The following ALDH5A1 variants were observed in gnomAD, a reference collection of about 807,000 sequenced individuals.
ALDH5A1 encodes succinate-semialdehyde dehydrogenase, mitochondrial.
In ALDH5A1, 33 loss-of-function variants were observed where a neutral mutation model predicts 54.7. The ratio of observed to expected loss-of-function variants is 0.60; its 90% CI spans 0.46 to 0.81. ALDH5A1 has a LOEUF of 0.81. Ranked by LOEUF, ALDH5A1 falls within the 30% of genes least tolerant of loss-of-function variation. ALDH5A1 has a pLI of 0.00. For missense variants in ALDH5A1, 657 were observed against 711.0 expected, an observed-to-expected ratio of 0.92 and a Z score of 0.86; for synonymous variants, 294 against 292.7, an observed-to-expected ratio of 1.00 and a Z score of -0.05.
At chr6:24,528,798 C>T (rs1239987926) in intron 8 of ALDH5A1, among the ~76,000 whole-genome samples, 1 of 150,546 alleles carries the variant, frequency 6.6e-6, no homozygotes, top group African/African-American at 2.4e-5. Context: ...GTGCTTCAGC[C>T]TTCCGAGTAG....
chr6:24,533,841 G>A lies in ALDH5A1; in HGVS notation c.*129G>A. 1 of 927,900 alleles carries A rather than the reference G, an allele frequency of 1.1e-6. No individual in the cohort carries two copies. The allele number at this position is 927,900 out of a possible 1,614,324, so 57.5% of individuals were successfully genotyped here. A position where few individuals can be genotyped will look rare whatever the true frequency, so the allele number is the denominator to read the frequency against. On this transcript the variant is annotated 3_prime_UTR_variant, in exon 10 of 10. Coordinates refer to ENST00000357578, the MANE Select transcript of ALDH5A1 (RefSeq NM_001080.3). ...ATTTTTCAGAACTCATCCAGTCCTT[G>A]TAATCTTAAACAGATGCAAATCCTA...
Position 24,518,561 on chromosome 6 carries a change from A to T in ALDH5A1, c.871-1840A>T, listed in dbSNP as rs931128701. On this transcript the variant is annotated intron_variant, in intron 5 of 9. Coordinates refer to ENST00000357578, the MANE Select transcript of ALDH5A1 (RefSeq NM_001080.3). This position sits in a 1 kb window ranked among gnomAD's most constrained non-coding sequence, Gnocchi z 4.2. Reference sequence around the variant, plus strand: ...GAAAAGTCAATGACGTTTCTTAAAAATTTTTAAATAAAAACATAAAAAAAG... The same window carrying T: ...GAAAAGTCAATGACGTTTCTTAAAATTTTTTAAATAAAAACATAAAAAAAG... 3.9e-5 allele frequency among the ~76,000 whole-genome samples: 6 copies of T among 152,258 alleles called. No individual in the cohort carries two copies. The highest frequency in any genetic ancestry group is 1.4e-4 in the African/African-American group (6 of 41,478).
chr6:24,529,817 G>A (rs1171468412), intron 8 of ALDH5A1, among the ~76,000 whole-genome samples: 1 of 151,326 alleles, frequency 6.6e-6, no homozygotes, highest in Non-Finnish European at 1.5e-5. Flanking sequence ...GATTACAGGC[G>A]CCCGCCACCA....
At position 24,533,500 on chromosome 6, in the gene ALDH5A1, G is replaced by A; in HGVS notation, c.1403-7G>A. On this transcript the variant is annotated splice_region_variant and splice_polypyrimidine_tract_variant and intron_variant, in intron 9 of 9. Coordinates refer to ENST00000357578, the MANE Select transcript of ALDH5A1 (RefSeq NM_001080.3). ...AATGCCATATATGTCCTTTTATCCTGTGACAGGTTATTTTTACTCTCAAGA... is the reference window on the plus strand; with the variant it reads ...AATGCCATATATGTCCTTTTATCCTATGACAGGTTATTTTTACTCTCAAGA... The A allele has an allele frequency of 6.2e-7, 1 of 1,613,940 alleles. No homozygotes were observed. Among genetic ancestry groups the A allele is most frequent in the East Asian group, 2.2e-5 (1 of 44,868 alleles).
rs1759213167 is a variant in ALDH5A1 at position 24,502,448 on chromosome 6, A to T, written c.355-75A>T. On this transcript the variant is annotated intron_variant, in intron 1 of 9. Coordinates refer to ENST00000357578, the MANE Select transcript of ALDH5A1 (RefSeq NM_001080.3). ...GAGACCATACAGCTAATATTTTAGG[A>T]TATTGAATTTTATTTAGCATTCTGT... is the stretch of plus-strand genomic sequence containing the variant. 9 of 1,106,314 alleles carry T rather than the reference A, an allele frequency of 8.1e-6. No homozygotes were observed. In the Admixed American group the frequency reaches 1.4e-4, roughly 17 times the overall value. The allele number at this position is 1,106,314 out of a possible 1,614,324, so 68.5% of individuals were successfully genotyped here. A position where few individuals can be genotyped will look rare whatever the true frequency, so the allele number is the denominator to read the frequency against.
Position 24,520,270 on chromosome 6 carries a change from T to C in ALDH5A1, c.871-131T>C, listed in dbSNP as rs368053741. ...ATATATTCTTATTTCTCCGTTTTCT[T>C]ATGCAAAGTTATCCCATGTACACCA... On this transcript the variant is annotated intron_variant, in intron 5 of 9. Transcript: ENST00000357578. 6.6e-5 allele frequency: 66 copies of C among 998,050 alleles called. No individual in the cohort carries two copies. In the East Asian group the frequency reaches 1.1e-3, roughly 17 times the overall value. 61.8% of individuals were successfully genotyped at this position (998,050 alleles called of 1,614,324 possible). A position where few individuals can be genotyped will look rare whatever the true frequency, so the allele number is the denominator to read the frequency against.
intron 7 of ALDH5A1, among the ~76,000 whole-genome samples, chr6:24,525,180 A>C (rs1353012975): frequency 6.6e-6 from 1 of 152,228 alleles, no homozygotes; most frequent in Non-Finnish European, 1.5e-5. Flanking sequence ...TATGACAAGA[A>C]AAGGGCAGAG....
In ALDH5A1 at chr6:24,526,976, A is replaced by G. The variant is rs371638478; in HGVS notation, c.1174-1021A>G. On this transcript the variant is annotated intron_variant, in intron 7 of 9. Transcript: ENST00000357578. ...CTAATATATATATATGTGTGTGTGTATATATATATATATATATATATATAT... is the reference window on the plus strand; with the variant it reads ...CTAATATATATATATGTGTGTGTGTGTATATATATATATATATATATATAT... 9.2e-3 allele frequency among the ~76,000 whole-genome samples: 147 copies of G among 15,974 alleles called. 1 individual carries two copies. The highest frequency in any genetic ancestry group is 0.018 in the East Asian group (9 of 496). 10.5% of individuals were successfully genotyped at this position (15,974 alleles called of 152,430 possible).
intron 4 of ALDH5A1, among the ~76,000 whole-genome samples, chr6:24,514,410 G>A (rs370694528): frequency 6.6e-6 from 1 of 151,996 alleles, no homozygotes; most frequent in Non-Finnish European, 1.5e-5. Flanking sequence ...TTTTTTATTT[G>A]CTTCTTTATT....
chr6:24,495,484 AAGTC>A, intron 1 of ALDH5A1, 134 bp downstream of exon 1: 1 of 890,986 alleles, frequency 1.1e-6, no homozygotes, highest in Admixed American at 2.9e-5. Flanking sequence ...ACAAAGTGGA[AAGTC>A]AGAGCAACAA....
chr6:24,533,638 C>G lies in ALDH5A1; in HGVS notation c.1534C>G (p.Leu512Val), dbSNP rs1226094055. 1.9e-6 allele frequency: 3 copies of G among 1,613,934 alleles called. No individual in the cohort carries two copies. The highest frequency in any genetic ancestry group is 2.7e-5 in the African/African-American group (2 of 74,874). ...CPFGGVKQSG[L>V]GREGSKYGID... ...TTTTGGTGGAGTGAAGCAGTCCGGCCTTGGGCGAGAGGGGTCCAAGTATGG... is the reference window on the plus strand; with the variant it reads ...TTTTGGTGGAGTGAAGCAGTCCGGCGTTGGGCGAGAGGGGTCCAAGTATGG... The change falls in exon 10 of 10, where the codon CTT becomes GTT. Residue 512 changes from leucine to valine, a missense_variant. Physicochemically the swap from Leu to Val is conservative, Grantham distance 32. This residue lies in a region of ALDH5A1 where 425 missense variants were observed against 516.4 expected (regional missense o/e 0.82). Transcript: ENST00000357578.
intron 8 of ALDH5A1, 52 bp from the exon 9 acceptor site, chr6:24,532,067 T>C: frequency 6.4e-7 from 1 of 1,555,036 alleles, no homozygotes; most frequent in Non-Finnish European, 8.9e-7. Context: ...ACAAAACTGG[T>C]TTCCTTTCCT....
chr6:24,502,235 G>C (rs1764835155), intron 1 of ALDH5A1, among the ~76,000 whole-genome samples: 1 of 152,104 alleles, frequency 6.6e-6, no homozygotes, highest in Non-Finnish European at 1.5e-5. Context: ...TTCTTTTCAG[G>C]TTCTCAGCAG....
rs753168976 is a variant in ALDH5A1 at position 24,495,046 on chromosome 6, C to T, written c.50C>T (p.Ser17Leu). 1.5e-4 allele frequency: 199 copies of T among 1,357,072 alleles called. No homozygotes were observed. Among genetic ancestry groups the T allele is most frequent in the Non-Finnish European group, 1.7e-4 (184 of 1,057,188 alleles). 84.1% of individuals were successfully genotyped at this position (1,357,072 alleles called of 1,614,324 possible). The change falls in exon 1 of 10, where the codon TCG (serine) becomes TTG (leucine). Residue 17 changes from serine to leucine, a missense_variant. Coordinates refer to ENST00000357578, the MANE Select transcript of ALDH5A1 (RefSeq NM_001080.3). ...AGCTGTGGGGCCCGGCGCCTCGGGT[C>T]GACGTTTCCAGGCTGCCGCCTCCGC... The part of the protein sequence containing the change: ...LRSCGARRLG[S>L]TFPGCRLRPR...
rs778398904 is a variant in ALDH5A1, at chr6:24,518,658, T to G, written c.871-1743T>G. Among the ~76,000 whole-genome samples, 1 of 152,224 alleles carries G rather than the reference T, an allele frequency of 6.6e-6. No individual in the cohort carries two copies. Among genetic ancestry groups the G allele is most frequent in the Non-Finnish European group, 1.5e-5 (1 of 68,032 alleles). On this transcript the variant is annotated intron_variant, in intron 5 of 9. Coordinates refer to ENST00000357578, the MANE Select transcript of ALDH5A1 (RefSeq NM_001080.3). The surrounding 1 kb of genome is among the most constrained non-coding windows in gnomAD (Gnocchi z 4.2). Reference sequence around the variant, plus strand: ...AAACTTGAACTACTTTGTTGAACAGTAATGTTTCAGAGAAGATTGTTACTA... The same window carrying G: ...AAACTTGAACTACTTTGTTGAACAGGAATGTTTCAGAGAAGATTGTTACTA...
chr6:24,533,686 A>G lies in ALDH5A1; in HGVS notation c.1582A>G (p.Lys528Glu). 2.5e-6 allele frequency: 4 copies of G among 1,614,118 alleles called. No individual in the cohort carries two copies. Among genetic ancestry groups the G allele is most frequent in the Non-Finnish European group, 3.4e-6 (4 of 1,180,020 alleles). ...TGGCATTGATGAGTATCTGGAACTC[A>G]AGTATGTGTGTTACGGGGGCTTGTA... ...KYGIDEYLEL[K>E]YVCYGGL Residue 528 changes from lysine (K) to glutamate (E), a missense_variant, in exon 10 of 10, where the codon AAG (lysine) becomes GAG (glutamate). Around this residue, in one of 2 missense-constraint regions of ALDH5A1, gnomAD observed 425 missense variants for 516.4 expected, o/e 0.82. Transcript: ENST00000357578.
rs1289056718 is a variant in ALDH5A1, at chr6:24,518,806, C to T, written c.871-1595C>T. 6.6e-6 allele frequency among the ~76,000 whole-genome samples: 1 copy of T among 152,104 alleles called. No homozygotes were observed. Among genetic ancestry groups the T allele is most frequent in the African/African-American group, 2.4e-5 (1 of 41,422 alleles). On this transcript the variant is annotated intron_variant, in intron 5 of 9. Transcript: ENST00000357578. The surrounding 1 kb of genome is among the most constrained non-coding windows in gnomAD (Gnocchi z 4.2). Reference sequence around the variant, plus strand: ...ACAAAACTCATGACCTCAGAATGTACAACACTTGGGGGGCAATCCTAGAGC... The same window carrying T: ...ACAAAACTCATGACCTCAGAATGTATAACACTTGGGGGGCAATCCTAGAGC...
chr6:24,513,389 G>A (rs979951197), intron 4 of ALDH5A1, among the ~76,000 whole-genome samples: 2 of 152,204 alleles, frequency 1.3e-5, no homozygotes, highest in East Asian at 3.9e-4. Flanking sequence ...AACTTTTTAT[G>A]GGATTTGACC....
At chr6:24,528,966 C>T (rs1280302752) in intron 8 of ALDH5A1, among the ~76,000 whole-genome samples, 5 of 151,918 alleles carry the variant, frequency 3.3e-5, no homozygotes, top group Non-Finnish European at 7.4e-5. Context: ...CATGAACCAC[C>T]GTGCTCAGAC....
Sources: allele counts gnomAD v4.1 joint callset (sites outside exome capture counted in the v4.1 genomes callset), GRCh38; gene constraint gnomAD v4.1.1; regional missense constraint gnomAD v4.1.1; non-coding constraint Gnocchi (gnomAD v3.1); transcripts MANE v1.5; gene names NCBI Gene and HGNC (gene_info 2026-07-23, HGNC 2026-07-21).